Variants in SYTL4 observed in about 807,000 individuals in gnomAD.
SYTL4 encodes the protein synaptotagmin like 4.
A neutral mutation model predicts 52.7 loss-of-function variants in SYTL4; 16 were observed. The ratio of observed to expected loss-of-function variants is 0.30; its 90% CI spans 0.21 to 0.46. SYTL4 has a LOEUF of 0.46. Among genes scored for constraint, SYTL4 ranks in the 20% least tolerant of loss-of-function variants. The pLI, the probability that SYTL4 is intolerant of heterozygous loss-of-function variation, is 1.00. For synonymous variants in SYTL4, 160 were observed against 186.6 expected (o/e 0.86, Z 1.16); for missense variants, 423 against 519.9 (o/e 0.81, Z 1.81).
intron 8 of SYTL4, among the ~76,000 whole-genome samples, chrX:100,698,268 A>T (rs1325639560): frequency 9.1e-6 from 1 of 109,893 alleles, no homozygotes; most frequent in Non-Finnish European, 1.9e-5. Context: ...ACGCCCGGCT[A>T]ATTTTTTTGT....
At chrX:100,680,636 A>C (rs2083356148) in intron 17 of SYTL4, among the ~76,000 whole-genome samples, 1 of 111,328 alleles carries the variant, frequency 9.0e-6, no homozygotes, top group South Asian at 3.8e-4. Flanking sequence ...TCTTCTGAAA[A>C]TGCTCTTCTC....
chrX:100,726,539 C>T (rs1375764893), intron 2 of SYTL4, among the ~76,000 whole-genome samples: 9 of 109,115 alleles, frequency 8.2e-5, no homozygotes, highest in Admixed American at 2.0e-4. Flanking sequence ...ATGGAAGAGC[C>T]ACCACTTTTT....
intron 19 of SYTL4, 77 bp downstream of exon 19, chrX:100,678,314 T>TG (rs1460926674): frequency 6.9e-6 from 5 of 729,163 alleles, no homozygotes; most frequent in Non-Finnish European, 8.3e-6. Flanking sequence ...AGCTTTGTGT[T>TG]GGGGGGCGGG....
chrX:100,729,937 T>G lies in SYTL4; in HGVS notation c.-240+1481A>C, dbSNP rs191841503. 2.9e-3 allele frequency among the ~76,000 whole-genome samples: 323 copies of G among 110,921 alleles called. 1 individual carries two copies. The highest frequency in any genetic ancestry group is 5.0e-3 in the Non-Finnish European group (266 of 52,952). On this transcript the variant is annotated intron_variant, in intron 2 of 19. Transcript: ENST00000372989. ...TTGAGCAAAGTCCCAGAGATGGGAATAGGGAGGACATTTTCTTCCTATCCT... is the reference window on the plus strand; with the variant it reads ...TTGAGCAAAGTCCCAGAGATGGGAAGAGGGAGGACATTTTCTTCCTATCCT...
At chrX:100,713,437 C>T (rs2084117039) in intron 2 of SYTL4, among the ~76,000 whole-genome samples, 1 of 108,316 alleles carries the variant, frequency 9.2e-6, no homozygotes, top group African/African-American at 3.4e-5. Flanking sequence ...AAGAGGGAAA[C>T]TCCGTCTCAA....
chrX:100,720,834 A>C (rs1247144608), intron 2 of SYTL4, among the ~76,000 whole-genome samples: 1 of 112,574 alleles, frequency 8.9e-6, no homozygotes, highest in Non-Finnish European at 1.9e-5. Flanking sequence ...GATGCCAAAT[A>C]AATGCTTATT....
chrX:100,712,411 G>A (rs1195254149), intron 2 of SYTL4, among the ~76,000 whole-genome samples: 1 of 111,966 alleles, frequency 8.9e-6, no homozygotes, highest in Admixed American at 9.5e-5. Context: ...GTACTGGGCA[G>A]GAAGACAGAC....
At chrX:100,698,206 C>T (rs1214134401) in intron 8 of SYTL4, among the ~76,000 whole-genome samples, 2 of 110,417 alleles carry the variant, frequency 1.8e-5, no homozygotes, top group African/African-American at 6.6e-5. Flanking sequence ...GGGTTCACGC[C>T]ATTCTCCTGC....
At chrX:100,730,859 T>C (rs748560139) in intron 2 of SYTL4, among the ~76,000 whole-genome samples, 1 of 107,416 alleles carries the variant, frequency 9.3e-6, no homozygotes, top group South Asian at 4.3e-4. Flanking sequence ...CATTAAACAT[T>C]GTTCCCACAG....
intron 2 of SYTL4, among the ~76,000 whole-genome samples, chrX:100,724,251 G>C (rs1300910149): frequency 1.9e-5 from 2 of 105,258 alleles, no homozygotes; most frequent in Non-Finnish European, 3.9e-5. Flanking sequence ...GAGGTGGGGG[G>C]GGTCAGCGCC....
chrX:100,714,627 T>C (rs1306151086), intron 2 of SYTL4, among the ~76,000 whole-genome samples: 1 of 112,055 alleles, frequency 8.9e-6, no homozygotes, highest in East Asian at 2.8e-4. Context: ...CACAGTTTTG[T>C]TATCTAAAAG....
chrX:100,709,376 G>A (rs5921633), intron 2 of SYTL4, among the ~76,000 whole-genome samples: 30,510 of 109,998 alleles, frequency 0.28, 3,567 homozygotes, highest in East Asian at 0.53. Context: ...GGTGGCTTGC[G>A]CCTGTAGTCC....
intron 4 of SYTL4, 34 bp from the exon 5 acceptor site, chrX:100,702,141 G>A: frequency 9.2e-6 from 5 of 545,275 alleles, no homozygotes; most frequent in Admixed American, 3.4e-5. Flanking sequence ...TCACACAGAT[G>A]ATTTACTCAA....
At chrX:100,688,138 T>A (rs1189914752) in intron 13 of SYTL4, 2 of 355,436 alleles carry the variant, frequency 5.6e-6, no homozygotes, top group African/African-American at 2.6e-5. Context: ...CAAGCTGTAA[T>A]GTAATAATCT....
At chrX:100,724,058 G>A (rs1245272620) in intron 2 of SYTL4, among the ~76,000 whole-genome samples, 6 of 81,972 alleles carry the variant, frequency 7.3e-5, no homozygotes, top group South Asian at 6.2e-4. Flanking sequence ...CCGTCCGGGA[G>A]GTGAGGGGCG....
At chrX:100,688,779 G>A (rs1160951458) in intron 12 of SYTL4, among the ~76,000 whole-genome samples, 7 of 108,544 alleles carry the variant, frequency 6.4e-5, no homozygotes, top group Non-Finnish European at 1.3e-4. Flanking sequence ...TGGCCAGGCT[G>A]GTCTCAAACT....
chrX:100,730,944 C>T (rs1238184964), intron 2 of SYTL4, among the ~76,000 whole-genome samples: 1 of 110,696 alleles, frequency 9.0e-6, no homozygotes, highest in African/African-American at 3.3e-5. Flanking sequence ...GCTTAAAGAG[C>T]AGAAAATAAG....
chrX:100,707,617 A>G (rs2083984263), intron 2 of SYTL4, among the ~76,000 whole-genome samples: 1 of 112,366 alleles, frequency 8.9e-6, no homozygotes, highest in Non-Finnish European at 1.9e-5. Context: ...GCACAAATAC[A>G]GTTATAATAA....
At chrX:100,727,621 T>C (rs1332011244) in intron 2 of SYTL4, among the ~76,000 whole-genome samples, 3 of 112,417 alleles carry the variant, frequency 2.7e-5, no homozygotes, top group Non-Finnish European at 5.6e-5. Context: ...TATATATCCT[T>C]GAGCATTATG....
Sources: allele counts gnomAD v4.1 joint callset (sites outside exome capture counted in the v4.1 genomes callset), GRCh38; gene constraint gnomAD v4.1.1; transcripts MANE v1.5; gene names NCBI Gene and HGNC (gene_info 2026-07-23, HGNC 2026-07-21).